KCND3: variants seen among roughly 807,000 people sequenced by gnomAD.
The protein encoded by KCND3 is A-type voltage-gated potassium channel KCND3.
In KCND3, 9 loss-of-function variants were observed where a neutral mutation model predicts 51.1. The observed-to-expected ratio is 0.18, with a 90% CI of 0.11 to 0.31. KCND3 has a LOEUF of 0.31. Among genes scored for constraint, KCND3 ranks in the 10% least tolerant of loss-of-function variants. KCND3 has a pLI of 1.00. For missense variants in KCND3, 526 were observed against 903.8 expected, an observed-to-expected ratio of 0.58 and a Z score of 5.36; for synonymous variants, 349 against 368.0, an observed-to-expected ratio of 0.95 and a Z score of 0.59.
chr1:111,804,969 T>G (rs1371685378), intron 2 of KCND3, among the ~76,000 whole-genome samples: 1 of 152,142 alleles, frequency 6.6e-6, no homozygotes. Flanking sequence ...CCCTGTCCCA[T>G]GCTCCCCTGA....
chr1:111,929,842 G>A (rs937080468), intron 2 of KCND3, among the ~76,000 whole-genome samples: 4 of 152,178 alleles, frequency 2.6e-5, no homozygotes, highest in African/African-American at 7.2e-5. Context: ...AGTTATGAAC[G>A]GGCCCCATCA....
At chr1:111,867,244 T>C (rs1668622151) in intron 2 of KCND3, among the ~76,000 whole-genome samples, 2 of 152,118 alleles carry the variant, frequency 1.3e-5, no homozygotes, top group Admixed American at 6.5e-5. Flanking sequence ...GAAAACCCAG[T>C]GAGTTGAGGC....
intron 2 of KCND3, among the ~76,000 whole-genome samples, chr1:111,971,458 A>G (rs1674325289): frequency 6.6e-6 from 1 of 152,190 alleles, no homozygotes; most frequent in African/African-American, 2.4e-5. Flanking sequence ...AAAGCTGTTC[A>G]TAGACAGCAC....
intron 2 of KCND3, among the ~76,000 whole-genome samples, chr1:111,912,203 C>A (rs1346799190): frequency 6.6e-6 from 1 of 152,226 alleles, no homozygotes; most frequent in East Asian, 1.9e-4. Flanking sequence ...TTGTGTGCTG[C>A]ATAGCAATGT....
chr1:111,962,004 GTTA>G (rs1673688061), intron 2 of KCND3, among the ~76,000 whole-genome samples: 2 of 152,182 alleles, frequency 1.3e-5, no homozygotes, highest in Admixed American at 6.5e-5. Flanking sequence ...TGAGCCAAGA[GTTA>G]TTTACCAGTA....
At chr1:111,933,992 G>GA (rs1271310138) in intron 2 of KCND3, among the ~76,000 whole-genome samples, 1 of 152,186 alleles carries the variant, frequency 6.6e-6, no homozygotes, top group African/African-American at 2.4e-5. Flanking sequence ...AATTGAAGGA[G>GA]AAAAAATGAC....
intron 2 of KCND3, among the ~76,000 whole-genome samples, chr1:111,937,586 G>A (rs961454753): frequency 6.6e-6 from 1 of 152,194 alleles, no homozygotes; most frequent in Admixed American, 6.5e-5. Context: ...GAACGCTTCT[G>A]GCTCATTGTA....
chr1:111,893,311 A>T (rs1669936872), intron 2 of KCND3, among the ~76,000 whole-genome samples: 1 of 152,156 alleles, frequency 6.6e-6, no homozygotes, highest in South Asian at 2.1e-4. Flanking sequence ...GGAGAAGGTG[A>T]CATTTGAACT....
chr1:111,798,503 G>T (rs760371635), intron 2 of KCND3, among the ~76,000 whole-genome samples: 1 of 152,002 alleles, frequency 6.6e-6, no homozygotes, highest in Non-Finnish European at 1.5e-5. Flanking sequence ...TGAGGACAGG[G>T]CTTTCTATCT....
intron 2 of KCND3, among the ~76,000 whole-genome samples, chr1:111,947,846 G>A (rs1463334871): frequency 3.3e-5 from 5 of 152,174 alleles, no homozygotes; most frequent in Admixed American, 1.3e-4. Flanking sequence ...ATTGTTGTTC[G>A]ATTAGTTTTT....
intron 2 of KCND3, among the ~76,000 whole-genome samples, chr1:111,800,648 G>T (rs2101544033): frequency 6.6e-6 from 1 of 152,258 alleles, no homozygotes; most frequent in South Asian, 2.1e-4. Flanking sequence ...GGATGCATTG[G>T]CTCAGAGTGT....
chr1:111,982,999 C>G lies in KCND3; in HGVS notation c.-72-201G>C, dbSNP rs750966781. Among the ~76,000 whole-genome samples, 2 of 152,088 alleles carry G rather than the reference C, an allele frequency of 1.3e-5. No individual in the cohort carries two copies. The highest frequency in any genetic ancestry group is 2.1e-4 in the South Asian group (1 of 4,818). On this transcript the variant is annotated intron_variant, in intron 1 of 7. Coordinates refer to ENST00000302127, the MANE Select transcript of KCND3 (RefSeq NM_001378969.1). This position sits in a 1 kb window ranked among gnomAD's most constrained non-coding sequence, Gnocchi z 8.5. ...GGGAGAACACCTAGCTCCTGGAGCT[C>G]GGCAGGGTGGGATCGCCAGATGTTG... is the stretch of plus-strand genomic sequence containing the variant.
intron 2 of KCND3, among the ~76,000 whole-genome samples, chr1:111,925,892 C>T (rs55994862): frequency 0.039 from 5,996 of 152,194 alleles, 186 homozygotes; most frequent in Non-Finnish European, 0.057. Flanking sequence ...CATCCTTCCC[C>T]CGACACCATC....
intron 2 of KCND3, among the ~76,000 whole-genome samples, chr1:111,950,479 C>A (rs1410528651): frequency 6.6e-6 from 1 of 152,210 alleles, no homozygotes; most frequent in Non-Finnish European, 1.5e-5. Context: ...TCCCCTCGAT[C>A]CAGCCCGCAG....
chr1:111,892,996 A>G (rs1173526220), intron 2 of KCND3, among the ~76,000 whole-genome samples: 1 of 152,182 alleles, frequency 6.6e-6, no homozygotes, highest in Non-Finnish European at 1.5e-5. Context: ...TGATTAGACA[A>G]CTTGGCTTTT....
chr1:111,792,469 G>A (rs1664877968), intron 2 of KCND3, among the ~76,000 whole-genome samples: 2 of 152,198 alleles, frequency 1.3e-5, no homozygotes, highest in African/African-American at 4.8e-5. Flanking sequence ...CTAGAGAGAG[G>A]ATGGCTGTGG....
intron 2 of KCND3, among the ~76,000 whole-genome samples, chr1:111,930,122 C>T (rs772260456): frequency 1.3e-5 from 2 of 151,298 alleles, no homozygotes; most frequent in Non-Finnish European, 2.9e-5. Context: ...CGGGACAAAG[C>T]GAGGTGATTT....
At chr1:111,887,102 T>G (rs553336989) in intron 2 of KCND3, among the ~76,000 whole-genome samples, 3 of 151,928 alleles carry the variant, frequency 2.0e-5, no homozygotes, top group African/African-American at 7.3e-5. Context: ...GGGGCTAAAG[T>G]GGAGTTTTTG....
chr1:111,944,705 C>T (rs1672695871), intron 2 of KCND3, among the ~76,000 whole-genome samples: 1 of 152,232 alleles, frequency 6.6e-6, no homozygotes, highest in Admixed American at 6.5e-5. Flanking sequence ...TTGTGTGTCT[C>T]CCGCAGTGCC....
Sources: gnomAD v4.1 joint callset for allele counts (sites outside exome capture counted in the v4.1 genomes callset) on GRCh38, gnomAD v4.1.1 for gene constraint, Gnocchi (gnomAD v3.1) non-coding constraint, MANE v1.5 for transcripts, NCBI Gene and HGNC (gene_info 2026-07-23, HGNC 2026-07-21) for gene names.